Variants in TRAPPC3L observed in about 807,000 individuals in gnomAD.
TRAPPC3L encodes the protein trafficking protein particle complex subunit 3-like protein.
In TRAPPC3L, 23 loss-of-function variants were observed where a neutral mutation model predicts 23.7. That is an observed-to-expected ratio of 0.97 (90% CI 0.70 to 1.37). The LOEUF (loss-of-function observed/expected upper bound fraction) is 1.37, where lower values mean the gene tolerates loss of function less well. Among genes scored for constraint, TRAPPC3L ranks in the 40% most tolerant of loss-of-function variants. TRAPPC3L has a pLI of 0.00. For synonymous variants in TRAPPC3L, 81 were observed against 77.9 expected (o/e 1.04, Z -0.21); for missense variants, 212 against 216.8 (o/e 0.98, Z 0.14).
intron 3 of TRAPPC3L, among the ~76,000 whole-genome samples, chr6:116,502,260 G>GA (rs1771929152): frequency 6.6e-6 from 1 of 152,048 alleles, no homozygotes; most frequent in African/African-American, 2.4e-5. Flanking sequence ...CGATCAAGTG[G>GA]AAAAAAGGAT....
chr6:116,534,848 G>T (rs925161160), intron 3 of TRAPPC3L, among the ~76,000 whole-genome samples: 6 of 152,108 alleles, frequency 3.9e-5, no homozygotes, highest in African/African-American at 1.4e-4. Context: ...ATTAGATGCT[G>T]ATTTTTTAAA....
chr6:116,497,163 TCC>T, intron 4 of TRAPPC3L, 90 bp from the exon 5 acceptor site: 2 of 1,444,900 alleles, frequency 1.4e-6, no homozygotes, highest in Non-Finnish European at 1.8e-6. Flanking sequence ...TTCTTTACTT[TCC>T]TTAAGAAATG....
chr6:116,526,889 C>T (rs189975992), intron 3 of TRAPPC3L, among the ~76,000 whole-genome samples: 118 of 152,270 alleles, frequency 7.7e-4, no homozygotes, highest in Middle Eastern at 3.4e-3. Flanking sequence ...GAATGTGCCA[C>T]TCCAAAATAT....
chr6:116,520,065 T>A (rs1562342215), intron 3 of TRAPPC3L: 1 of 152,228 alleles, frequency 6.6e-6, no homozygotes, highest in Non-Finnish European at 1.5e-5. Flanking sequence ...AAGCAACTTT[T>A]AAAATTTTTG....
chr6:116,520,837 T>A (rs1196356468), intron 3 of TRAPPC3L: 2 of 152,068 alleles, frequency 1.3e-5, no homozygotes, highest in African/African-American at 4.8e-5. Context: ...AAAAGAGACA[T>A]CCTAATATGA....
At chr6:116,515,501 G>A (rs1393988030) in intron 3 of TRAPPC3L, 1 of 1,253,498 alleles carries the variant, frequency 8.0e-7, no homozygotes, top group Non-Finnish European at 1.1e-6. Context: ...GTATGTCAAA[G>A]ACTGTGGTAA....
At chr6:116,504,097 T>C (rs1190865505) in intron 3 of TRAPPC3L, among the ~76,000 whole-genome samples, 1 of 152,144 alleles carries the variant, frequency 6.6e-6, no homozygotes, top group African/African-American at 2.4e-5. Flanking sequence ...AGGAGCTGTT[T>C]TTTTGAAAAG....
chr6:116,506,867 TG>T (rs369546029), intron 3 of TRAPPC3L, among the ~76,000 whole-genome samples: 38 of 152,036 alleles, frequency 2.5e-4, no homozygotes, highest in East Asian at 9.7e-4. Flanking sequence ...CCTGTCAGGC[TG>T]GGGGGCTGGG....
At chr6:116,513,749 G>A (rs1312867053) in intron 3 of TRAPPC3L, among the ~76,000 whole-genome samples, 6 of 152,230 alleles carry the variant, frequency 3.9e-5, no homozygotes, top group African/African-American at 9.6e-5. Flanking sequence ...GCCTGGAGGC[G>A]GAAAAGAACA....
intron 3 of TRAPPC3L, among the ~76,000 whole-genome samples, chr6:116,526,158 C>A (rs973443921): frequency 5.3e-5 from 8 of 152,328 alleles, no homozygotes; most frequent in African/African-American, 1.7e-4. Flanking sequence ...ACCTCTTTCC[C>A]TATAGACAAG....
At chr6:116,532,771 G>C (rs965376192) in intron 3 of TRAPPC3L, among the ~76,000 whole-genome samples, 2 of 152,158 alleles carry the variant, frequency 1.3e-5, no homozygotes, top group African/African-American at 2.4e-5. Flanking sequence ...CTCACAAACT[G>C]ATTAAAACAT....
At position 116,539,046 on chromosome 6, in the gene TRAPPC3L, C is replaced by G. The variant is rs941759950; in HGVS notation, c.240+1317G>C. ...AAGAGGGAGTCATTCTCAAACCAAT[C>G]TATCCTCATTATAGAGAGACTGTGT... On this transcript the variant is annotated intron_variant, in intron 3 of 4. Coordinates refer to ENST00000368602, the MANE Select transcript of TRAPPC3L (RefSeq NM_001139444.3). Among the ~76,000 whole-genome samples the G allele has an allele frequency of 3.3e-5, 5 of 152,260 alleles. No homozygotes were observed. The East Asian group carries it at 7.7e-4, about 24-fold the overall frequency.
chr6:116,540,052 G>T (rs921114911), intron 3 of TRAPPC3L, among the ~76,000 whole-genome samples: 2 of 152,084 alleles, frequency 1.3e-5, no homozygotes, highest in Non-Finnish European at 2.9e-5. Context: ...CTGGTTTGGG[G>T]CATGCATGTT....
At chr6:116,516,674 T>TAC (rs1383859916) in intron 3 of TRAPPC3L, 5 of 52,298 alleles carry the variant, frequency 9.6e-5, no homozygotes, top group Non-Finnish European at 1.4e-4. Context: ...TATATATATA[T>TAC]ATATATATAT....
chr6:116,515,177 GTA>G (rs1179417924), intron 3 of TRAPPC3L, among the ~76,000 whole-genome samples: 5 of 152,096 alleles, frequency 3.3e-5, no homozygotes, highest in Non-Finnish European at 7.4e-5. Flanking sequence ...CTCTAGCCAT[GTA>G]TATACATTTA....
intron 4 of TRAPPC3L, among the ~76,000 whole-genome samples, chr6:116,499,944 A>C (rs934445610): frequency 2.0e-5 from 3 of 152,234 alleles, no homozygotes; most frequent in African/African-American, 7.2e-5. Context: ...CAGTTAAACC[A>C]ATGAATAATT....
chr6:116,538,504 A>T (rs1773231321), intron 3 of TRAPPC3L, among the ~76,000 whole-genome samples: 1 of 152,244 alleles, frequency 6.6e-6, no homozygotes, highest in Non-Finnish European at 1.5e-5. Context: ...CAAAAGATAC[A>T]TATACAAACA....
intron 3 of TRAPPC3L, chr6:116,512,019 T>C (rs1772131464): frequency 6.2e-7 from 1 of 1,613,998 alleles, no homozygotes; most frequent in Non-Finnish European, 8.5e-7. Context: ...CTGAGCTCAT[T>C]GGTGGCTCCA....
chr6:116,519,614 C>T (rs1772293341), intron 3 of TRAPPC3L: 1 of 152,202 alleles, frequency 6.6e-6, no homozygotes, highest in Non-Finnish European at 1.5e-5. Context: ...TAGAGCCAAC[C>T]CAAGCCCAGG....
Sources: gnomAD v4.1 joint callset for allele counts (sites outside exome capture counted in the v4.1 genomes callset) on GRCh38, gnomAD v4.1.1 for gene constraint, MANE v1.5 for transcripts, NCBI Gene and HGNC (gene_info 2026-07-23, HGNC 2026-07-21) for gene names.